The following BLTP1 variants were observed in gnomAD, a reference collection of about 807,000 sequenced individuals.
The protein encoded by BLTP1 is bridge-like lipid transfer protein family member 1.
chr4:122,264,384 A>C, the BLTP1 span: 2 of 1,611,580 alleles, frequency 1.2e-6, no homozygotes, highest in South Asian at 1.1e-5. Context: ...GGTGTAGAAG[A>C]AGCAAACCAA....
At chr4:122,170,545 T>C in the BLTP1 span, 174 of 1,401,978 alleles carry the variant, frequency 1.2e-4, no homozygotes, top group Middle Eastern at 4.7e-4. Context: ...TCACCCTTTT[T>C]TTCCCTTAAT....
chr4:122,353,760 C>T, the BLTP1 span: 1 of 1,544,474 alleles, frequency 6.5e-7, no homozygotes. The surrounding 1 kb of genome is among the most constrained non-coding windows in gnomAD (Gnocchi z 4.3). Context: ...CAATTATCAT[C>T]TTGAATCTAA....
chr4:122,267,215 T>C, the BLTP1 span, among the ~76,000 whole-genome samples: 1 of 151,770 alleles, frequency 6.6e-6, no homozygotes, highest in Non-Finnish European at 1.5e-5. Flanking sequence ...CCTGCCACCA[T>C]GCCTGGCTAA....
the BLTP1 span, among the ~76,000 whole-genome samples, chr4:122,228,205 GC>G: frequency 3.0e-4 from 45 of 152,204 alleles, no homozygotes; most frequent in African/African-American, 1.0e-3. Context: ...GAGCCACTGT[GC>G]CCGGCTCTTA....
chr4:122,238,214 T>TA, the BLTP1 span: 1 of 1,613,432 alleles, frequency 6.2e-7, no homozygotes, highest in Non-Finnish European at 8.5e-7. Context: ...ATCCTCTTCC[T>TA]CAGAAGAGAA....
the BLTP1 span, among the ~76,000 whole-genome samples, chr4:122,191,283 A>G: frequency 4.6e-5 from 7 of 151,234 alleles, no homozygotes; most frequent in Non-Finnish European, 1.0e-4. Flanking sequence ...TTTTTTTTTC[A>G]TGGAGTGCCA....
chr4:122,307,625 A>G, the BLTP1 span: 1 of 985,314 alleles, frequency 1.0e-6, no homozygotes, highest in African/African-American at 1.7e-5. Context: ...GTTAAGCACC[A>G]TGTCTGTTTT....
the BLTP1 span, chr4:122,197,195 G>A: frequency 1.7e-6 from 2 of 1,159,808 alleles, no homozygotes; most frequent in Non-Finnish European, 2.4e-6. Context: ...TCTTTTGGTA[G>A]GAAACAAATG....
the BLTP1 span, among the ~76,000 whole-genome samples, chr4:122,213,875 A>G: frequency 2.6e-5 from 4 of 152,168 alleles, no homozygotes; most frequent in Non-Finnish European, 5.9e-5. Flanking sequence ...AATGCTACTT[A>G]TATTACTTTT....
chr4:122,179,410 A>G, the BLTP1 span, among the ~76,000 whole-genome samples: 1 of 152,168 alleles, frequency 6.6e-6, no homozygotes, highest in Admixed American at 6.5e-5. Context: ...ATAATATTCC[A>G]GCCAAAGACC....
the BLTP1 span, among the ~76,000 whole-genome samples, chr4:122,321,562 CAT>C: frequency 7.2e-5 from 11 of 152,144 alleles, no homozygotes; most frequent in South Asian, 2.1e-4. Context: ...CACTCACACA[CAT>C]GTGATATATA....
At chr4:122,348,586 A>G in the BLTP1 span, 2 of 1,598,672 alleles carry the variant, frequency 1.3e-6, no homozygotes, top group African/African-American at 2.7e-5. Context: ...CAAAAACATC[A>G]ACTCCTTTTA....
At chr4:122,237,373 G>A in the BLTP1 span, 118 of 984,734 alleles carry the variant, frequency 1.2e-4, no homozygotes, top group Non-Finnish European at 1.4e-4. Context: ...TCCTAAAGTC[G>A]TTATTTGTTC....
chr4:122,208,095 AG>A, the BLTP1 span: 1 of 984,490 alleles, frequency 1.0e-6, no homozygotes, highest in Non-Finnish European at 1.2e-6. Flanking sequence ...GATAACCAGT[AG>A]TACTTGTAGT....
chr4:122,280,510 A>G, the BLTP1 span, among the ~76,000 whole-genome samples: 1 of 152,132 alleles, frequency 6.6e-6, no homozygotes, highest in East Asian at 1.9e-4. Context: ...AAAAACTGTA[A>G]CTAATAAAAA....
chr4:122,311,163 A>G, the BLTP1 span, among the ~76,000 whole-genome samples: 2 of 152,222 alleles, frequency 1.3e-5, no homozygotes, highest in African/African-American at 2.4e-5. Flanking sequence ...GGGCAAATGC[A>G]TAAGATATAA....
chr4:122,344,839 G>C, the BLTP1 span: 1 of 984,952 alleles, frequency 1.0e-6, no homozygotes, highest in Non-Finnish European at 1.2e-6. Context: ...TCTCCACCAT[G>C]AATTGGTACA....
the BLTP1 span, chr4:122,223,241 T>G: frequency 2.8e-6 from 2 of 712,280 alleles, no homozygotes; most frequent in Non-Finnish European, 3.4e-6. Context: ...TTAGCCCTTA[T>G]CCTTAAAAAA....
At chr4:122,325,870 T>C in the BLTP1 span, 3 of 1,184,736 alleles carry the variant, frequency 2.5e-6, no homozygotes, top group East Asian at 1.8e-4. Flanking sequence ...AAATACAGTA[T>C]GGGGAAGTAC....
Sources: gnomAD v4.1 joint callset for allele counts (sites outside exome capture counted in the v4.1 genomes callset) on GRCh38, gnomAD v4.1.1 for gene constraint, Gnocchi (gnomAD v3.1) non-coding constraint, MANE v1.5 for transcripts, NCBI Gene and HGNC (gene_info 2026-07-23, HGNC 2026-07-21) for gene names.